YWHAH: variants seen among roughly 807,000 people sequenced by gnomAD.
YWHAH encodes the protein tyrosine 3-monooxygenase/tryptophan 5-monooxygenase activation protein eta.
A neutral mutation model predicts 22.9 loss-of-function variants in YWHAH; 6 were observed. The ratio of observed to expected loss-of-function variants is 0.26; its 90% CI spans 0.14 to 0.52. The LOEUF (loss-of-function observed/expected upper bound fraction) is 0.52, where lower values mean the gene tolerates loss of function less well. YWHAH is among the 20% of genes least tolerant of loss of function. The pLI is 0.97. For missense variants in YWHAH, 173 were observed against 308.6 expected (o/e 0.56, Z 3.29); for synonymous variants, 135 against 124.5 (o/e 1.08, Z -0.56).
At position 31,951,914 on chromosome 22, in the gene YWHAH, AAGT is replaced by A. The variant is rs984276650; in HGVS notation, c.88-4222_88-4220del. ...TAAGGTTGTCCTTCAGGAAGGGTGT[AAGT>A]AGGATTACAGAGGGTGGGAAGGCAG... On this transcript the variant is annotated intron_variant, in intron 1 of 1. Transcript: ENST00000248975. 2.0e-4 allele frequency among the ~76,000 whole-genome samples: 30 copies of A among 152,130 alleles called. 1 individual carries two copies. Among genetic ancestry groups the A allele is most frequent in the Admixed American group, 1.8e-3 (28 of 15,278 alleles).
At chr22:31,948,854 C>T (rs1424577478) in intron 1 of YWHAH, among the ~76,000 whole-genome samples, 9 of 152,340 alleles carry the variant, frequency 5.9e-5, no homozygotes, top group South Asian at 4.1e-4. Context: ...AAACAGCTTA[C>T]GTGGCTTTCT....
At chr22:31,945,374 C>T in intron 1 of YWHAH, 1 of 1,283,304 alleles carries the variant, frequency 7.8e-7, no homozygotes, top group Non-Finnish European at 1.0e-6. Context: ...TGCGAAGACC[C>T]CTTTCCTGCA....
intron 1 of YWHAH, among the ~76,000 whole-genome samples, chr22:31,955,219 A>G (rs530976632): frequency 1.3e-5 from 2 of 152,214 alleles, no homozygotes; most frequent in South Asian, 4.1e-4. Flanking sequence ...TGGGAGTATC[A>G]GTTAGGGTTC....
chr22:31,956,634 C>T lies in YWHAH; in HGVS notation c.583C>T (p.Leu195Phe), dbSNP rs771880344. Residue 195 changes from leucine (L) to phenylalanine (F), a missense_variant, in exon 2 of 2, where the codon CTC becomes TTC. Coordinates refer to ENST00000248975, the MANE Select transcript of YWHAH (RefSeq NM_003405.4). This position sits in a 1 kb window ranked among gnomAD's most constrained non-coding sequence, Gnocchi z 5.1. ...EIQNAPEQAC[L>F]LAKQAFDDAI... Reference sequence around the variant, plus strand: ...CCAGAATGCACCTGAGCAAGCCTGCCTCTTAGCCAAACAAGCCTTCGATGA... The same window carrying T: ...CCAGAATGCACCTGAGCAAGCCTGCTTCTTAGCCAAACAAGCCTTCGATGA... 1 of 1,614,166 alleles carries T rather than the reference C, an allele frequency of 6.2e-7. No homozygotes were observed. The highest frequency in any genetic ancestry group is 1.7e-5 in the Admixed American group (1 of 60,022).
At chr22:31,945,577 T>G (rs2093832963) in intron 1 of YWHAH, 2 of 1,303,976 alleles carry the variant, frequency 1.5e-6, no homozygotes, top group Non-Finnish European at 1.0e-6. Flanking sequence ...GGATGAGTCG[T>G]GCCCAGCCAC....
chr22:31,945,742 A>G (rs2093833426), intron 1 of YWHAH: 2 of 1,179,232 alleles, frequency 1.7e-6, no homozygotes, highest in Non-Finnish European at 2.2e-6. Flanking sequence ...GCGACCACCA[A>G]CCTATGTTCA....
At chr22:31,949,818 T>C (rs1316353005) in intron 1 of YWHAH, among the ~76,000 whole-genome samples, 2 of 152,216 alleles carry the variant, frequency 1.3e-5, no homozygotes, top group Non-Finnish European at 2.9e-5. Flanking sequence ...TATGTAACAA[T>C]GCCCCATGAG....
chr22:31,944,928 C>A, intron 1 of YWHAH, 108 bp downstream of exon 1: 1 of 1,136,052 alleles, frequency 8.8e-7, no homozygotes, highest in Non-Finnish European at 1.1e-6. Flanking sequence ...GACCCGGCGA[C>A]CCGGCTGGGC....
Position 31,956,068 on chromosome 22 carries a change from G to A in YWHAH, c.88-71G>A, listed in dbSNP as rs936821907. Reference sequence around the variant, plus strand: ...GTTCTTGAGAAGGATTGTTGATTATGTTGAAGGGAAGGCTTCTTACCAAGA... The same window carrying A: ...GTTCTTGAGAAGGATTGTTGATTATATTGAAGGGAAGGCTTCTTACCAAGA... On this transcript the variant is annotated intron_variant, in intron 1 of 1. Transcript: ENST00000248975. The surrounding 1 kb of genome is among the most constrained non-coding windows in gnomAD (Gnocchi z 5.1). 2.0e-6 allele frequency: 3 copies of A among 1,510,964 alleles called. No homozygotes were observed. Among genetic ancestry groups the A allele is most frequent in the Admixed American group, 2.2e-5 (1 of 45,582 alleles). 93.6% of individuals were successfully genotyped at this position (1,510,964 alleles called of 1,614,324 possible).
chr22:31,945,824 G>A, intron 1 of YWHAH: 1 of 590,844 alleles, frequency 1.7e-6, no homozygotes, highest in Non-Finnish European at 2.3e-6. Context: ...AGAAATTCGG[G>A]CGGTGAGACT....
intron 1 of YWHAH, chr22:31,945,813 C>A: frequency 1.5e-6 from 1 of 654,160 alleles, no homozygotes; most frequent in Non-Finnish European, 2.1e-6. Context: ...CCTATACATT[C>A]AGAAATTCGG....
intron 1 of YWHAH, among the ~76,000 whole-genome samples, chr22:31,951,786 A>G (rs1227688964): frequency 3.3e-5 from 5 of 152,188 alleles, no homozygotes; most frequent in Non-Finnish European, 7.3e-5. Flanking sequence ...GTGTAGCCAA[A>G]GGCTGTTTGG....
At chr22:31,949,711 AAT>A (rs2093840380) in intron 1 of YWHAH, among the ~76,000 whole-genome samples, 1 of 152,184 alleles carries the variant, frequency 6.6e-6, no homozygotes, top group South Asian at 2.1e-4. Flanking sequence ...CCCCTTTACA[AAT>A]GAGACTTTCA....
At chr22:31,954,752 G>A (rs986642588) in intron 1 of YWHAH, among the ~76,000 whole-genome samples, 2 of 152,110 alleles carry the variant, frequency 1.3e-5, no homozygotes, top group Non-Finnish European at 2.9e-5. Flanking sequence ...TTCTTCCTGT[G>A]TGTGTGTCAA....
intron 1 of YWHAH, chr22:31,950,287 C>T (rs1232482244): frequency 6.4e-6 from 5 of 778,736 alleles, no homozygotes; most frequent in Non-Finnish European, 1.2e-5. Flanking sequence ...TTTATGCAGG[C>T]CCCAAAATTT....
intron 1 of YWHAH, chr22:31,947,630 T>C (rs1429513399): frequency 1.0e-5 from 4 of 386,190 alleles, no homozygotes; most frequent in African/African-American, 8.5e-5. Context: ...CTTCAAGCTC[T>C]ATCTCATACC....
chr22:31,952,103 A>G (rs1305187637), intron 1 of YWHAH, among the ~76,000 whole-genome samples: 1 of 152,142 alleles, frequency 6.6e-6, no homozygotes. Flanking sequence ...AAGAGGCTGA[A>G]AACTATTGTC....
At chr22:31,946,199 A>G (rs944173436) in intron 1 of YWHAH, among the ~76,000 whole-genome samples, 1 of 152,172 alleles carries the variant, frequency 6.6e-6, no homozygotes, top group Non-Finnish European at 1.5e-5. Context: ...TGACTTGAGC[A>G]CTATTAGCAT....
chr22:31,956,471 G>A lies in YWHAH; in HGVS notation c.420G>A (p.Gly140=), dbSNP rs1216886838. Residue 140 remains glycine (G), a synonymous_variant, in exon 2 of 2, where the codon GGG becomes GGA. Coordinates refer to ENST00000248975, the MANE Select transcript of YWHAH (RefSeq NM_003405.4). This position sits in a 1 kb window ranked among gnomAD's most constrained non-coding sequence, Gnocchi z 5.1. ...GCTACTTAGCAGAGGTCGCTTCTGGGGAGAAGAAAAACAGTGTGGTCGAAG... is the reference window on the plus strand; with the variant it reads ...GCTACTTAGCAGAGGTCGCTTCTGGAGAGAAGAAAAACAGTGTGGTCGAAG... ...YYRYLAEVAS[G]EKKNSVVEAS... The A allele has an allele frequency of 1.2e-6, 2 of 1,613,988 alleles. No individual in the cohort carries two copies. The highest frequency in any genetic ancestry group is 1.1e-5 in the South Asian group (1 of 91,078).
Sources: allele counts gnomAD v4.1 joint callset (sites outside exome capture counted in the v4.1 genomes callset), GRCh38; gene constraint gnomAD v4.1.1; non-coding constraint Gnocchi (gnomAD v3.1); transcripts MANE v1.5; gene names NCBI Gene and HGNC (gene_info 2026-07-23, HGNC 2026-07-21).